Variants in GBE1 observed in about 807,000 individuals in gnomAD.
GBE1 encodes 1,4-alpha-glucan branching enzyme 1.
In GBE1, 70 loss-of-function variants were observed where a neutral mutation model predicts 88.8. That is an observed-to-expected ratio of 0.79 (90% CI 0.65 to 0.96). GBE1 has a LOEUF of 0.96. Among genes scored for constraint, GBE1 ranks in the 40% least tolerant of loss-of-function variants. GBE1 has a pLI of 0.00. For missense variants in GBE1, 872 were observed against 871.0 expected (o/e 1.00, Z -0.01); for synonymous variants, 284 against 300.1 (o/e 0.95, Z 0.56).
intron 1 of GBE1, among the ~76,000 whole-genome samples, chr3:81,716,042 T>C (rs141487958): frequency 3.3e-4 from 50 of 152,300 alleles, no homozygotes; most frequent in Middle Eastern, 6.8e-3. Context: ...ATTTTAATCT[T>C]TTTAAATTTT....
chr3:81,745,495 C>T (rs1706408870), intron 1 of GBE1, among the ~76,000 whole-genome samples: 1 of 151,900 alleles, frequency 6.6e-6, no homozygotes, highest in South Asian at 2.1e-4. Context: ...ACTCTGACCC[C>T]AATGCACATA....
At chr3:81,717,680 T>C (rs964278446) in intron 1 of GBE1, among the ~76,000 whole-genome samples, 1 of 152,164 alleles carries the variant, frequency 6.6e-6, no homozygotes, top group Admixed American at 6.5e-5. Flanking sequence ...AAGTTTTAGG[T>C]TCTTCTTCTA....
chr3:81,737,876 A>G (rs951531683), intron 1 of GBE1, among the ~76,000 whole-genome samples: 2 of 152,104 alleles, frequency 1.3e-5, no homozygotes, highest in Admixed American at 6.5e-5. Context: ...AGCATTAGGT[A>G]TATCTCCCAC....
At chr3:81,562,484 T>A (rs895449743) in intron 12 of GBE1, among the ~76,000 whole-genome samples, 5 of 152,122 alleles carry the variant, frequency 3.3e-5, no homozygotes, top group African/African-American at 1.2e-4. Context: ...GTTCAAATTC[T>A]GGCTCCTTTA....
intron 14 of GBE1, among the ~76,000 whole-genome samples, chr3:81,504,306 C>T (rs1702627400): frequency 6.6e-6 from 1 of 151,058 alleles, no homozygotes; most frequent in African/African-American, 2.5e-5. Flanking sequence ...AAATTACTGA[C>T]ATAATTAGAT....
chr3:81,673,310 T>A (rs1482934198), intron 2 of GBE1, among the ~76,000 whole-genome samples: 1 of 151,906 alleles, frequency 6.6e-6, no homozygotes, highest in Non-Finnish European at 1.5e-5. Context: ...GTTAGTTCAT[T>A]CATTCATTCA....
At chr3:81,691,793 T>A (rs76927404) in intron 2 of GBE1, among the ~76,000 whole-genome samples, 24 of 152,130 alleles carry the variant, frequency 1.6e-4, no homozygotes, top group Non-Finnish European at 2.8e-4. Flanking sequence ...AATTAATTAA[T>A]TTTTTAAATA....
At chr3:81,581,015 A>G in intron 11 of GBE1, 150 bp downstream of exon 11, 1 of 492,768 alleles carries the variant, frequency 2.0e-6, no homozygotes, top group Non-Finnish European at 3.5e-6. Context: ...CTGTAAAGAT[A>G]TATATTAATA....
At chr3:81,652,012 G>C (rs1346285636) in intron 3 of GBE1, among the ~76,000 whole-genome samples, 1 of 152,196 alleles carries the variant, frequency 6.6e-6, no homozygotes. Flanking sequence ...CTTTTGCTGG[G>C]TATGCCAAGA....
intron 2 of GBE1, among the ~76,000 whole-genome samples, chr3:81,685,514 C>T (rs1261250214): frequency 6.6e-6 from 1 of 151,768 alleles, no homozygotes; most frequent in South Asian, 2.1e-4. Flanking sequence ...CCCAAGCAGC[C>T]GGGATTACAA....
intron 6 of GBE1, among the ~76,000 whole-genome samples, chr3:81,645,870 G>A (rs1444217219): frequency 6.6e-6 from 1 of 152,186 alleles, no homozygotes; most frequent in Non-Finnish European, 1.5e-5. Flanking sequence ...GACACTGAGT[G>A]TTGGACTTCT....
chr3:81,506,093 A>G (rs1211381840), intron 14 of GBE1, among the ~76,000 whole-genome samples: 2 of 152,140 alleles, frequency 1.3e-5, no homozygotes, highest in African/African-American at 2.4e-5. Flanking sequence ...TTTTGCACAG[A>G]AAAAGAAATT....
Position 81,581,070 on chromosome 3 carries a change from T to G in GBE1, c.1446+95A>C. On this transcript the variant is annotated intron_variant, in intron 11 of 15. Coordinates refer to ENST00000429644, the MANE Select transcript of GBE1 (RefSeq NM_000158.4). ...ATTATAGTAACTACAGAGGTTTATA[T>G]TTCGATATGTTTATATTTAAATATG... The G allele has an allele frequency of 2.8e-6, 2 of 719,812 alleles. 1 individual carries two copies. Among genetic ancestry groups the G allele is most frequent in the Non-Finnish European group, 4.7e-6 (2 of 425,276 alleles). 44.6% of individuals were successfully genotyped at this position (719,812 alleles called of 1,614,324 possible).
intron 12 of GBE1, among the ~76,000 whole-genome samples, chr3:81,539,579 G>T (rs557858578): frequency 6.6e-6 from 1 of 151,990 alleles, no homozygotes; most frequent in Non-Finnish European, 1.5e-5. Flanking sequence ...GGAATCCAAT[G>T]TATAACAGAT....
chr3:81,622,561 G>A (rs762322623), intron 7 of GBE1, among the ~76,000 whole-genome samples: 33 of 152,232 alleles, frequency 2.2e-4, no homozygotes, highest in Non-Finnish European at 3.2e-4. Flanking sequence ...TTGCCAGTCC[G>A]AACCTCCCCA....
At chr3:81,612,300 T>C in intron 7 of GBE1, 1 of 857,888 alleles carries the variant, frequency 1.2e-6, no homozygotes, top group East Asian at 3.9e-5. Context: ...TTATTCTGCG[T>C]TTGACTTTAA....
chr3:81,516,601 T>C (rs867328735), intron 14 of GBE1, among the ~76,000 whole-genome samples: 14 of 151,530 alleles, frequency 9.2e-5, no homozygotes, highest in African/African-American at 3.4e-4. Flanking sequence ...TGTAAGACTA[T>C]AGCTGTCATA....
At chr3:81,577,788 A>T (rs1397222142) in intron 12 of GBE1, 137 bp downstream of exon 12, 3 of 632,634 alleles carry the variant, frequency 4.7e-6, no homozygotes, top group Non-Finnish European at 7.7e-6. Context: ...TGCAATTTAC[A>T]CGACAGTATA....
At chr3:81,566,128 C>T (rs1703491681) in intron 12 of GBE1, among the ~76,000 whole-genome samples, 1 of 152,182 alleles carries the variant, frequency 6.6e-6, no homozygotes, top group Non-Finnish European at 1.5e-5. Flanking sequence ...TCTTCTCTTC[C>T]TCCAAAATCC....
Sources: allele counts gnomAD v4.1 joint callset (sites outside exome capture counted in the v4.1 genomes callset), GRCh38; gene constraint gnomAD v4.1.1; transcripts MANE v1.5; gene names NCBI Gene and HGNC (gene_info 2026-07-23, HGNC 2026-07-21).